The following TGFBR3 variants were observed in gnomAD, a reference collection of about 807,000 sequenced individuals.
TGFBR3 encodes the protein transforming growth factor beta receptor 3, also known as transforming growth factor beta receptor type 3.
Under a neutral mutation model 87.9 loss-of-function variants are expected in TGFBR3, and 46 were observed. That is an observed-to-expected ratio of 0.52 (90% CI 0.41 to 0.67). The LOEUF (loss-of-function observed/expected upper bound fraction) is 0.67. Ranked by LOEUF, TGFBR3 falls within the 30% of genes least tolerant of loss-of-function variation. TGFBR3 has a pLI of 0.00. For missense variants in TGFBR3, 866 were observed against 1,041.9 expected (o/e 0.83, Z 2.32); for synonymous variants, 381 against 391.6 (o/e 0.97, Z 0.32).
chr1:91,780,900 C>G (rs1484795401), intron 3 of TGFBR3, among the ~76,000 whole-genome samples: 8 of 149,242 alleles, frequency 5.4e-5, no homozygotes. Context: ...CACACACACA[C>G]ACACACACAC....
At chr1:91,763,688 G>A (rs1674059327) in intron 3 of TGFBR3, among the ~76,000 whole-genome samples, 1 of 152,120 alleles carries the variant, frequency 6.6e-6, no homozygotes, top group Non-Finnish European at 1.5e-5. Context: ...CCCACAAATG[G>A]AAAGGCACAA....
intron 2 of TGFBR3, among the ~76,000 whole-genome samples, chr1:91,850,894 G>A (rs952728467): frequency 6.6e-6 from 1 of 152,028 alleles, no homozygotes. Flanking sequence ...TGGAGTAGGA[G>A]AGTAGGAAGG....
At chr1:91,841,128 A>G (rs1256567807) in intron 2 of TGFBR3, among the ~76,000 whole-genome samples, 3 of 152,120 alleles carry the variant, frequency 2.0e-5, no homozygotes, top group Non-Finnish European at 2.9e-5. Context: ...TTCATTTTCA[A>G]AAATGTCTGC....
intron 10 of TGFBR3, among the ~76,000 whole-genome samples, chr1:91,718,402 G>A (rs181378809): frequency 6.0e-4 from 92 of 152,144 alleles, no homozygotes; most frequent in Non-Finnish European, 1.1e-3. Context: ...GGATGGGGTC[G>A]AACTAGCAGC....
intron 3 of TGFBR3, among the ~76,000 whole-genome samples, chr1:91,759,658 C>T (rs946598038): frequency 1.3e-5 from 2 of 152,156 alleles, no homozygotes; most frequent in African/African-American, 4.8e-5. Flanking sequence ...ACTGGCTTTC[C>T]ATACAGAGCG....
rs563888567 is a variant in TGFBR3 at position 91,766,128 on chromosome 1, T to C, written c.247-7378A>G. 4.7e-4 allele frequency among the ~76,000 whole-genome samples: 71 copies of C among 151,698 alleles called. No homozygotes were observed. In the South Asian group the frequency reaches 0.014, roughly 29 times the overall value. The stretch of plus-strand genomic sequence containing the variant: ...CCGTAACCTTCAACTCCTCAAGTAA[T>C]CTCCTGTCTTGGCCTCCCAAGTAGC... On this transcript the variant is annotated intron_variant, in intron 3 of 16. Transcript: ENST00000212355.
rs529739780 is a variant in TGFBR3 at position 91,708,334 on chromosome 1, G to A, written c.2287+329C>T. Among the ~76,000 whole-genome samples, 5 of 152,178 alleles carry A rather than the reference G, an allele frequency of 3.3e-5. No homozygotes were observed. In the South Asian group the frequency reaches 8.3e-4, roughly 25 times the overall value. On this transcript the variant is annotated intron_variant, in intron 14 of 16. Coordinates refer to ENST00000212355, the MANE Select transcript of TGFBR3 (RefSeq NM_003243.5). ...GAACTGTGGATTGTGTGCAATTCCC[G>A]GGACATGGGACTAACTAGAACCCTT...
chr1:91,692,378 T>C lies in TGFBR3; in HGVS notation c.2437+3294A>G, dbSNP rs146931272. Among the ~76,000 whole-genome samples, 169 of 152,258 alleles carry C rather than the reference T, an allele frequency of 1.1e-3. 1 individual carries two copies. The highest frequency in any genetic ancestry group is 4.0e-3 in the African/African-American group (165 of 41,556). On this transcript the variant is annotated intron_variant, in intron 16 of 16. Coordinates refer to ENST00000212355, the MANE Select transcript of TGFBR3 (RefSeq NM_003243.5). ...GAGTGAGAAAAGAAGGTAAGGACAGTAGGGGTGTGATTTTTTTTTCATAAT... is the reference window on the plus strand; with the variant it reads ...GAGTGAGAAAAGAAGGTAAGGACAGCAGGGGTGTGATTTTTTTTTCATAAT...
intron 2 of TGFBR3, among the ~76,000 whole-genome samples, chr1:91,837,437 G>T (rs1677104623): frequency 6.6e-6 from 1 of 151,896 alleles, no homozygotes; most frequent in Non-Finnish European, 1.5e-5. Context: ...GTAGAGACGG[G>T]GTTTCACCAT....
rs1010548065 is a variant in TGFBR3 at position 91,760,678 on chromosome 1, C to T, written c.247-1928G>A. On this transcript the variant is annotated intron_variant, in intron 3 of 16. Transcript: ENST00000212355. The stretch of plus-strand genomic sequence containing the variant: ...GGATCATTTTTATATCTGGCATAAG[C>T]ATAGCACTAAATCAAAGTACTAGAT... Among the ~76,000 whole-genome samples, 16 of 152,250 alleles carry T rather than the reference C, an allele frequency of 1.1e-4. No individual in the cohort carries two copies. The East Asian group carries it at 2.9e-3, about 28-fold the overall frequency.
intron 3 of TGFBR3, chr1:91,771,101 T>C (rs1674362053): frequency 6.6e-6 from 1 of 152,222 alleles, no homozygotes; most frequent in Non-Finnish European, 1.5e-5. Flanking sequence ...CTTACGGGCT[T>C]GCTCAGTCTT....
intron 3 of TGFBR3, among the ~76,000 whole-genome samples, chr1:91,775,149 C>T (rs1019765168): frequency 6.6e-6 from 1 of 152,192 alleles, no homozygotes; most frequent in African/African-American, 2.4e-5. Context: ...GAACTATTCG[C>T]ATTTCTCCTT....
At chr1:91,771,392 T>C (rs1165375358) in intron 3 of TGFBR3, among the ~76,000 whole-genome samples, 2 of 152,156 alleles carry the variant, frequency 1.3e-5, no homozygotes, top group Non-Finnish European at 2.9e-5. Context: ...AGTCATTTTT[T>C]AAGTGAGTAG....
intron 2 of TGFBR3, among the ~76,000 whole-genome samples, chr1:91,841,646 T>C (rs1281398568): frequency 6.6e-6 from 1 of 151,734 alleles, no homozygotes; most frequent in Non-Finnish European, 1.5e-5. Flanking sequence ...TACAAAAAAT[T>C]AGCCAGGAGT....
At chr1:91,791,384 C>G (rs1675187551) in intron 3 of TGFBR3, among the ~76,000 whole-genome samples, 1 of 152,072 alleles carries the variant, frequency 6.6e-6, no homozygotes, top group South Asian at 2.1e-4. Context: ...GAGCTCAGCC[C>G]TGCATTTTAT....
intron 3 of TGFBR3, among the ~76,000 whole-genome samples, chr1:91,783,999 C>T (rs751316631): frequency 2.6e-5 from 4 of 152,100 alleles, no homozygotes; most frequent in Non-Finnish European, 5.9e-5. Flanking sequence ...CCCAAGGGAG[C>T]TGCATAGAGT....
At chr1:91,786,124 T>G (rs1217403177) in intron 3 of TGFBR3, 1 of 427,210 alleles carries the variant, frequency 2.3e-6, no homozygotes, top group Non-Finnish European at 4.6e-6. Flanking sequence ...AAATTCATTC[T>G]CTCTCAACTC....
intron 2 of TGFBR3, among the ~76,000 whole-genome samples, chr1:91,845,136 G>A (rs953512703): frequency 6.6e-6 from 1 of 152,158 alleles, no homozygotes; most frequent in African/African-American, 2.4e-5. Context: ...AGATTTTTGG[G>A]GGCCTTTCCT....
intron 5 of TGFBR3, among the ~76,000 whole-genome samples, chr1:91,733,720 C>T (rs977680373): frequency 1.7e-4 from 26 of 152,142 alleles, no homozygotes; most frequent in Non-Finnish European, 3.5e-4. Flanking sequence ...TCCAAATATA[C>T]TCAACTGAAA....
Sources: gnomAD v4.1 joint callset for allele counts (sites outside exome capture counted in the v4.1 genomes callset) on GRCh38, gnomAD v4.1.1 for gene constraint, MANE v1.5 for transcripts, NCBI Gene and HGNC (gene_info 2026-07-23, HGNC 2026-07-21) for gene names.